Variants in MTMR10 observed in about 807,000 individuals in gnomAD.
MTMR10 encodes myotubularin related protein 10, also known as myotubularin-related protein 10.
Under a neutral mutation model 88.1 loss-of-function variants are expected in MTMR10, and 56 were observed. The observed-to-expected ratio is 0.64, with a 90% CI of 0.51 to 0.79. MTMR10 has a LOEUF of 0.79. Ranked by LOEUF, MTMR10 falls within the 30% of genes least tolerant of loss-of-function variation. The pLI is 0.00. For synonymous variants in MTMR10, 380 were observed against 340.9 expected (o/e 1.11, Z -1.26); for missense variants, 883 against 924.7 (o/e 0.95, Z 0.58).
intron 5 of MTMR10, among the ~76,000 whole-genome samples, chr15:30,970,270 G>A (rs2063521674): frequency 6.6e-6 from 1 of 151,986 alleles, no homozygotes; most frequent in African/African-American, 2.4e-5. Context: ...ACATTCTAGT[G>A]GGAAGACAGA....
At chr15:30,927,017 G>C in the MTMR10 span, 1 of 985,292 alleles carries the variant, frequency 1.0e-6, no homozygotes, top group Admixed American at 6.2e-5. Flanking sequence ...GACCACTTAG[G>C]AGTTAAGGAA....
At chr15:30,970,873 C>T (rs1374948008) in intron 5 of MTMR10, among the ~76,000 whole-genome samples, 1 of 152,134 alleles carries the variant, frequency 6.6e-6, no homozygotes. Flanking sequence ...TGTAAAACTG[C>T]AAGTCAGTTG....
intron 13 of MTMR10, among the ~76,000 whole-genome samples, chr15:30,947,754 A>C (rs145749737): frequency 5.2e-4 from 79 of 152,350 alleles, no homozygotes; most frequent in African/African-American, 1.8e-3. Flanking sequence ...TGTGTCCCCA[A>C]GTGCAGTAGC....
the MTMR10 span, chr15:30,927,303 A>G: frequency 1.0e-6 from 1 of 985,510 alleles, no homozygotes; most frequent in Non-Finnish European, 1.2e-6. Context: ...CTGACTGGAA[A>G]TCAGGTCCTA....
chr15:30,953,868 T>TG (rs1235685365), intron 10 of MTMR10, among the ~76,000 whole-genome samples: 1 of 152,248 alleles, frequency 6.6e-6, no homozygotes, highest in Non-Finnish European at 1.5e-5. Flanking sequence ...AGGGAAATCT[T>TG]GGAGTCCAAC....
At chr15:30,952,462 T>G (rs139578627) in intron 11 of MTMR10, among the ~76,000 whole-genome samples, 23 of 152,336 alleles carry the variant, frequency 1.5e-4, no homozygotes, top group Non-Finnish European at 1.0e-4. Context: ...ACTCCTGGCC[T>G]CAAGTGATCC....
the MTMR10 span, chr15:30,928,714 C>G: frequency 6.2e-7 from 1 of 1,609,152 alleles, no homozygotes; most frequent in Non-Finnish European, 8.5e-7. Context: ...GTGGCTCACG[C>G]CCACCTGGGC....
intron 6 of MTMR10, among the ~76,000 whole-genome samples, chr15:30,964,054 G>T (rs77882701): frequency 6.6e-6 from 1 of 151,452 alleles, no homozygotes; most frequent in Admixed American, 6.6e-5. Context: ...GAATAAAAGG[G>T]AATTTCCTTA....
chr15:30,976,258 C>T (rs1049980713), intron 3 of MTMR10, among the ~76,000 whole-genome samples: 9 of 151,944 alleles, frequency 5.9e-5, no homozygotes, highest in East Asian at 3.9e-4. Flanking sequence ...AACAGTTAGC[C>T]GGGAGTGGTG....
At chr15:30,926,309 C>G in the MTMR10 span, among the ~76,000 whole-genome samples, 1 of 152,154 alleles carries the variant, frequency 6.6e-6, no homozygotes, top group African/African-American at 2.4e-5. Context: ...AGAAGCTGGC[C>G]CCAGATATCC....
At chr15:30,920,891 C>G in the MTMR10 span, among the ~76,000 whole-genome samples, 1 of 152,228 alleles carries the variant, frequency 6.6e-6, no homozygotes. Flanking sequence ...TCAAGTCATC[C>G]TCTCACCTCA....
chr15:30,927,631 A>C, the MTMR10 span: 2 of 985,598 alleles, frequency 2.0e-6, no homozygotes, highest in Non-Finnish European at 2.4e-6. Flanking sequence ...GGGACCAGCC[A>C]GAGGAGCTTT....
chr15:30,945,782 C>T (rs2063162012), intron 14 of MTMR10, among the ~76,000 whole-genome samples: 1 of 152,166 alleles, frequency 6.6e-6, no homozygotes, highest in Non-Finnish European at 1.5e-5. Flanking sequence ...CTGGAAAGGT[C>T]AAACTTTCCT....
At chr15:30,989,806 C>T (rs1211713860) in intron 2 of MTMR10, among the ~76,000 whole-genome samples, 1 of 151,916 alleles carries the variant, frequency 6.6e-6, no homozygotes, top group Admixed American at 6.6e-5. Flanking sequence ...AGGATGGTCT[C>T]GGTCTCTTGA....
At chr15:30,946,476 A>G in intron 14 of MTMR10, 1 of 427,122 alleles carries the variant, frequency 2.3e-6, no homozygotes, top group Non-Finnish European at 4.2e-6. Flanking sequence ...TGCCTAGCCC[A>G]GGGCCTTACG....
chr15:30,988,432 G>A (rs2031094481), intron 2 of MTMR10, among the ~76,000 whole-genome samples: 1 of 152,168 alleles, frequency 6.6e-6, no homozygotes, highest in African/African-American at 2.4e-5. Context: ...ATTAACACAG[G>A]TCAGAGAATT....
In MTMR10 at chr15:30,942,026, T is replaced by G; in HGVS notation, c.1778A>C (p.Asn593Thr). Residue 593 changes from asparagine to threonine, a missense_variant, in exon 16 of 16, where the codon AAT (asparagine) becomes ACT (threonine). This residue lies in a region of MTMR10 where 343 missense variants were observed against 323.2 expected (regional missense o/e 1.06). Transcript: ENST00000435680. ...TAATTCTTGGTCACTGATGATTCCATTCTTTAAGGCAGACGGCATTCCTCT... is the reference window on the plus strand; with the variant it reads ...TAATTCTTGGTCACTGATGATTCCAGTCTTTAAGGCAGACGGCATTCCTCT... ...TLRGMPSALK[N>T]GIISDQELLP... The G allele has an allele frequency of 6.2e-7, 1 of 1,614,030 alleles. No individual in the cohort carries two copies. Among genetic ancestry groups the G allele is most frequent in the Non-Finnish European group, 8.5e-7 (1 of 1,179,886 alleles).
At chr15:30,956,090 CAG>C (rs1415978080) in intron 9 of MTMR10, among the ~76,000 whole-genome samples, 1 of 151,634 alleles carries the variant, frequency 6.6e-6, no homozygotes, top group African/African-American at 2.4e-5. Context: ...CAAAATCACT[CAG>C]AATTCTAAAA....
At chr15:30,943,967 G>A in intron 14 of MTMR10, 1 of 985,330 alleles carries the variant, frequency 1.0e-6, no homozygotes, top group South Asian at 4.7e-5. Flanking sequence ...GCTGGATGAT[G>A]GGAAATGTCT....
Sources: gnomAD v4.1 joint callset for allele counts (sites outside exome capture counted in the v4.1 genomes callset) on GRCh38, gnomAD v4.1.1 for gene constraint, gnomAD v4.1.1 regional missense constraint, MANE v1.5 for transcripts, NCBI Gene and HGNC (gene_info 2026-07-23, HGNC 2026-07-21) for gene names.